The following APOBEC1 variants were observed in gnomAD, a reference collection of about 807,000 sequenced individuals.
APOBEC1 encodes C->U-editing enzyme APOBEC-1.
In APOBEC1, 22 loss-of-function variants were observed where a neutral mutation model predicts 26.3. The observed-to-expected ratio is 0.84, with a 90% CI of 0.60 to 1.19. APOBEC1 has a LOEUF of 1.19. Ranked by LOEUF, APOBEC1 falls within the 50% of genes most tolerant of loss-of-function variation. The pLI is 0.00. For missense variants in APOBEC1, 253 were observed against 289.0 expected (o/e 0.88, Z 0.90); for synonymous variants, 77 against 95.3 (o/e 0.81, Z 1.12).
intron 1 of APOBEC1, among the ~76,000 whole-genome samples, chr12:7,661,163 G>A (rs938630900): frequency 7.5e-5 from 11 of 146,830 alleles, no homozygotes; most frequent in African/African-American, 2.5e-4. Context: ...CCAAATTTGC[G>A]CCACTGCACT....
At chr12:7,666,052 C>T, upstream of APOBEC1, 1 of 706,874 alleles carries the variant, frequency 1.4e-6, no homozygotes, top group Non-Finnish European at 2.6e-6. Flanking sequence ...CTGAGAGGGA[C>T]ATTATCGTGG....
At chr12:7,670,492 T>C (rs913184157), upstream of APOBEC1, among the ~76,000 whole-genome samples, 8 of 140,210 alleles carry the variant, frequency 5.7e-5, 1 homozygote, top group Admixed American at 4.3e-4. Flanking sequence ...CAGTGGCTCA[T>C]ACCTGCAATC....
In APOBEC1 at chr12:7,649,423, T is replaced by G; in HGVS notation, c.*124A>C. The G allele has an allele frequency of 3.0e-6, 3 of 1,006,008 alleles. No homozygotes were observed. Among genetic ancestry groups the G allele is most frequent in the Non-Finnish European group, 4.4e-6 (3 of 683,386 alleles). 62.3% of individuals were successfully genotyped at this position (1,006,008 alleles called of 1,614,324 possible). A position where few individuals can be genotyped will look rare whatever the true frequency, so the allele number is the denominator to read the frequency against. ...ACTGCCAGAGGTAATACATATTTAT[T>G]GTTGGTTTAAGCTACAGAGTTTTGG... On this transcript the variant is annotated 3_prime_UTR_variant, in exon 5 of 5. Coordinates refer to ENST00000229304, the MANE Select transcript of APOBEC1 (RefSeq NM_001644.5).
At chr12:7,656,287 A>G (rs1368039872) in intron 1 of APOBEC1, among the ~76,000 whole-genome samples, 2 of 152,074 alleles carry the variant, frequency 1.3e-5, no homozygotes, top group Non-Finnish European at 2.9e-5. Flanking sequence ...CCTACAAACT[A>G]ATCAGTGTCA....
At chr12:7,651,914 G>A (rs1019424859) in intron 3 of APOBEC1, among the ~76,000 whole-genome samples, 6 of 151,742 alleles carry the variant, frequency 4.0e-5, no homozygotes, top group South Asian at 2.1e-4. Flanking sequence ...TCCGCCTCCC[G>A]GGTTCACGCC....
intron 3 of APOBEC1, among the ~76,000 whole-genome samples, chr12:7,651,573 C>T (rs1327872814): frequency 1.3e-5 from 2 of 148,690 alleles, no homozygotes; most frequent in African/African-American, 5.0e-5. Flanking sequence ...GATTGCACCA[C>T]TGCACTCCAG....
At chr12:7,665,799 A>ACC (rs1555095795) in intron 1 of APOBEC1, 58 bp downstream of exon 1, 2 of 1,361,798 alleles carry the variant, frequency 1.5e-6, no homozygotes, top group African/African-American at 3.1e-5. Flanking sequence ...ACACACACAC[A>ACC]CACACACCAT....
In APOBEC1 at chr12:7,649,713, T is replaced by C. The variant is rs201650358; in HGVS notation, c.562-17A>G. 55 of 1,559,576 alleles carry C rather than the reference T, an allele frequency of 3.5e-5. No individual in the cohort carries two copies. The Admixed American group carries it at 8.8e-4, about 25-fold the overall frequency. On this transcript the variant is annotated splice_polypyrimidine_tract_variant and intron_variant, in intron 4 of 4. Transcript: ENST00000229304. The stretch of plus-strand genomic sequence containing the variant: ...TGGAAGACTCTGGAATAAAAAAGGA[T>C]TATATTTAATCCTTAGGATGAATAT...
In APOBEC1 at chr12:7,649,452, A is replaced by T; in HGVS notation, c.*95T>A. ...GGTTTAAGCTACAGAGTTTTGGGGTACCTTGTGAACATTTCTAGATTCTAA... is the reference window on the plus strand; with the variant it reads ...GGTTTAAGCTACAGAGTTTTGGGGTTCCTTGTGAACATTTCTAGATTCTAA... On this transcript the variant is annotated 3_prime_UTR_variant, in exon 5 of 5. Transcript: ENST00000229304. 1 of 1,358,670 alleles carries T rather than the reference A, an allele frequency of 7.4e-7. No homozygotes were observed. The highest frequency in any genetic ancestry group is 1.0e-6 in the Non-Finnish European group (1 of 982,672). 84.2% of individuals were successfully genotyped at this position (1,358,670 alleles called of 1,614,324 possible).
upstream of APOBEC1, among the ~76,000 whole-genome samples, chr12:7,666,800 A>T (rs1863898792): frequency 2.6e-5 from 4 of 152,022 alleles, no homozygotes. Flanking sequence ...GAGCTATTAG[A>T]TACAAAATGA....
chr12:7,665,883 C>G lies in APOBEC1; in HGVS notation c.-11G>C. On this transcript the variant is annotated 5_prime_UTR_variant, in exon 1 of 5. Transcript: ENST00000229304. ...TTTCTCAGAAGTCATGGTGCTCTGT[C>G]TCTGGACTTCCTCCTCTGGAGTCAT... 6.2e-7 allele frequency: 1 copy of G among 1,613,836 alleles called. No homozygotes were observed.
upstream of APOBEC1, chr12:7,665,980 A>T: frequency 8.5e-7 from 1 of 1,171,342 alleles, no homozygotes; most frequent in Non-Finnish European, 1.3e-6. Flanking sequence ...GCAGAGGATG[A>T]CTCATTCCCG....
chr12:7,649,629 AG>A lies in APOBEC1; in HGVS notation c.628del (p.Leu210PhefsTer15), dbSNP rs1863609602. The A allele has an allele frequency of 6.2e-7, 1 of 1,614,074 alleles. No individual in the cohort carries two copies. Among genetic ancestry groups the A allele is most frequent in the Non-Finnish European group, 8.5e-7 (1 of 1,179,922 alleles). ...QNHLTFFRLHLQNCHYQTIPP... is the reference protein window; with the variant it reads ...QNHLTFFRLHXQNCHYQTIPP... ...AATCGTTTGGTAATGGCAGTTTTGA[AG>A]ATGAAGTCTGAAAAATGTAAGATGA... On this transcript the variant is annotated frameshift_variant, in exon 5 of 5. Coordinates refer to ENST00000229304, the MANE Select transcript of APOBEC1 (RefSeq NM_001644.5). LOFTEE classifies it low-confidence loss of function (END_TRUNC).
chr12:7,659,322 A>AAAAAAAAAATAT (rs1555094633), intron 1 of APOBEC1, among the ~76,000 whole-genome samples: 5 of 46,286 alleles, frequency 1.1e-4, no homozygotes, highest in Non-Finnish European at 1.3e-4. Context: ...AAAAAAAAAA[A>AAAAAAAAAATAT]ATATATATAT....
chr12:7,669,838 TGTGA>T (rs557659060), upstream of APOBEC1, among the ~76,000 whole-genome samples: 51 of 152,274 alleles, frequency 3.3e-4, no homozygotes, highest in South Asian at 0.01. Flanking sequence ...CAATCATACT[TGTGA>T]GTGTGTGGTA....
At chr12:7,650,563 G>A (rs1863623540) in intron 4 of APOBEC1, among the ~76,000 whole-genome samples, 1 of 152,192 alleles carries the variant, frequency 6.6e-6, no homozygotes, top group African/African-American at 2.4e-5. Flanking sequence ...AGGCTTAGAT[G>A]TTGTTTGTTT....
intron 1 of APOBEC1, among the ~76,000 whole-genome samples, chr12:7,660,634 C>T (rs1053000735): frequency 2.9e-5 from 4 of 140,080 alleles, no homozygotes; most frequent in African/African-American, 1.1e-4. Context: ...ACCCGGGAGG[C>T]GGAGCTTGCA....
intron 2 of APOBEC1, among the ~76,000 whole-genome samples, chr12:7,653,528 A>T (rs1356239716): frequency 7.3e-6 from 1 of 136,132 alleles, no homozygotes; most frequent in Non-Finnish European, 1.5e-5. Flanking sequence ...GGTCTCTCTA[A>T]GCTGGCCAGC....
chr12:7,649,907 C>T (rs1288026839), intron 4 of APOBEC1, among the ~76,000 whole-genome samples: 1 of 152,000 alleles, frequency 6.6e-6, no homozygotes, highest in Non-Finnish European at 1.5e-5. Flanking sequence ...CCTCAACCTC[C>T]TAGGCTCAAA....
Sources: allele counts gnomAD v4.1 joint callset (sites outside exome capture counted in the v4.1 genomes callset), GRCh38; gene constraint gnomAD v4.1.1; transcripts MANE v1.5; gene names NCBI Gene and HGNC (gene_info 2026-07-23, HGNC 2026-07-21).